CFAP57: variants seen among roughly 807,000 people sequenced by gnomAD.
The protein encoded by CFAP57 is cilia and flagella associated protein 57.
A neutral mutation model predicts 146.8 loss-of-function variants in CFAP57; 116 were observed. The ratio of observed to expected loss-of-function variants is 0.79; its 90% confidence interval spans 0.68 to 0.92. The LOEUF is 0.92. CFAP57 is among the 40% of genes least tolerant of loss of function. CFAP57 has a pLI of 0.00. For missense variants in CFAP57, 1,377 were observed against 1,527.2 expected, an observed-to-expected ratio of 0.90 and a Z score of 1.64; for synonymous variants, 518 against 552.8, an observed-to-expected ratio of 0.94 and a Z score of 0.88.
chr1:43,206,802 C>T lies in CFAP57; in HGVS notation c.1625C>T (p.Ser542Phe). 2 of 1,614,124 alleles carry T rather than the reference C, an allele frequency of 1.2e-6. No individual in the cohort carries two copies. Among genetic ancestry groups the T allele is most frequent in the Non-Finnish European group, 1.7e-6 (2 of 1,180,014 alleles). ...TDGAVYEWNL[S>F]TGKRETECVL... is the part of the protein sequence containing the mutation. ...GGTGCTGTGTATGAATGGAATCTGT[C>T]CACAGGAAAGAGAGAGACAGAATGC... The change falls in exon 10 of 23, where the codon TCC becomes TTC. Residue 542 changes from serine (S) to phenylalanine (F), a missense_variant. Ser to Phe is a radical substitution (Grantham distance 155). Coordinates refer to ENST00000372492, the MANE Select transcript of CFAP57 (RefSeq NM_001378189.1).
chr1:43,249,523 G>A (rs1318181406), intron 22 of CFAP57, among the ~76,000 whole-genome samples: 9 of 129,800 alleles, frequency 6.9e-5, no homozygotes, highest in South Asian at 2.7e-4. Flanking sequence ...TCTGCCTCCC[G>A]GGTTCAAGCA....
intron 22 of CFAP57, among the ~76,000 whole-genome samples, chr1:43,248,092 T>C (rs948134694): frequency 3.3e-4 from 47 of 140,990 alleles, no homozygotes; most frequent in African/African-American, 1.3e-3. Context: ...TGAGCCAAGA[T>C]TGCACTGCTG....
chr1:43,226,853 GGAGGA>G lies in CFAP57; in HGVS notation c.2866-123_2866-119del. 5 of 1,029,748 alleles carry G rather than the reference GGAGGA, an allele frequency of 4.9e-6. No individual in the cohort carries two copies. The South Asian group carries it at 1.1e-4, about 24-fold the overall frequency. 63.8% of individuals were successfully genotyped at this position (1,029,748 alleles called of 1,614,324 possible). The stretch of plus-strand genomic sequence containing the variant: ...AGTGCCAGCCTCTGTACTGACGAAG[GGAGGA>G]GAGGAGTCTCCTGGTTGACCTCTTC... On this transcript the variant is annotated intron_variant, in intron 17 of 22. Coordinates refer to ENST00000372492, the MANE Select transcript of CFAP57 (RefSeq NM_001378189.1).
intron 17 of CFAP57, 112 bp from the exon 18 acceptor site, chr1:43,226,871 G>A: frequency 8.0e-7 from 1 of 1,254,244 alleles, no homozygotes; most frequent in South Asian, 1.9e-5. Flanking sequence ...GGAGTCTCCT[G>A]GTTGACCTCT....
At chr1:43,209,029 C>T (rs1015171155) in intron 10 of CFAP57, among the ~76,000 whole-genome samples, 32 of 152,018 alleles carry the variant, frequency 2.1e-4, no homozygotes, top group South Asian at 2.1e-4. Flanking sequence ...TTCTTATAAC[C>T]GTTCTATTTT....
chr1:43,209,028 C>T (rs1429064176), intron 10 of CFAP57, among the ~76,000 whole-genome samples: 1 of 152,076 alleles, frequency 6.6e-6, no homozygotes, highest in Admixed American at 6.6e-5. Flanking sequence ...ATTCTTATAA[C>T]CGTTCTATTT....
At position 43,226,238 on chromosome 1, in the gene CFAP57, T is replaced by G. The variant is rs141018078; in HGVS notation, c.2866-745T>G. On this transcript the variant is annotated intron_variant, in intron 17 of 22. Transcript: ENST00000372492. ...GCTTACAGGTGCTACAGATCTGGAA[T>G]CTGGACAGGGTACAAAAGGATGGCT... Among the ~76,000 whole-genome samples the G allele has an allele frequency of 1.8e-4, 28 of 152,316 alleles. 1 individual carries two copies. The highest frequency in any genetic ancestry group is 5.8e-4 in the African/African-American group (24 of 41,560).
At chr1:43,208,359 A>G (rs1358819471) in intron 10 of CFAP57, among the ~76,000 whole-genome samples, 1 of 152,212 alleles carries the variant, frequency 6.6e-6, no homozygotes. Flanking sequence ...ACGTATGTTT[A>G]TTGTGGCACT....
chr1:43,172,831 T>C lies in CFAP57; in HGVS notation c.78T>C (p.Asp26=). 1 of 1,614,150 alleles carries C rather than the reference T, an allele frequency of 6.2e-7. No individual in the cohort carries two copies. ...TGGCCAACAATATCTTCTACTTCGATGAACAGATCATTATATTTCCTTCAG... is the reference window on the plus strand; with the variant it reads ...TGGCCAACAATATCTTCTACTTCGACGAACAGATCATTATATTTCCTTCAG... ...SHVANNIFYF[D]EQIIIFPSGN... Residue 26 remains aspartate, a synonymous_variant, in exon 2 of 23, where the codon GAT becomes GAC. Coordinates refer to ENST00000372492, the MANE Select transcript of CFAP57 (RefSeq NM_001378189.1).
intron 6 of CFAP57, among the ~76,000 whole-genome samples, chr1:43,192,082 A>G (rs1643570265): frequency 6.6e-6 from 1 of 152,126 alleles, no homozygotes; most frequent in Admixed American, 6.5e-5. Flanking sequence ...TAATTTAATT[A>G]CACTGTGCTT....
At chr1:43,196,531 C>A (rs1643876192) in intron 6 of CFAP57, 1 of 152,164 alleles carries the variant, frequency 6.6e-6, no homozygotes, top group South Asian at 2.1e-4. Flanking sequence ...AGAGTGGATG[C>A]AGATAAATTT....
chr1:43,199,783 G>T (rs1171514869), intron 9 of CFAP57, among the ~76,000 whole-genome samples: 1 of 152,064 alleles, frequency 6.6e-6, no homozygotes, highest in Admixed American at 6.6e-5. Context: ...AGAGTGAGTA[G>T]GAGTTAATCA....
In CFAP57 at chr1:43,172,864, CTG is replaced by C; in HGVS notation, c.116_117del (p.Val39GlufsTer37). ...QIIIFPSGNH[C>X]VKYNVDQKWQ... ...TCATTATATTTCCTTCAGGAAATCACTGTGTGAAGTACAATGTGGATCAGAAA... is the reference window on the plus strand; with the variant it reads ...TCATTATATTTCCTTCAGGAAATCACTGTGAAGTACAATGTGGATCAGAAA... On this transcript the variant is annotated frameshift_variant, in exon 2 of 23. Transcript: ENST00000372492. LOFTEE classifies it high-confidence loss of function. The C allele has an allele frequency of 6.2e-7, 1 of 1,614,062 alleles. No individual in the cohort carries two copies. The highest frequency in any genetic ancestry group is 8.5e-7 in the Non-Finnish European group (1 of 1,179,918).
At chr1:43,222,476 A>G (rs894393642) in intron 15 of CFAP57, among the ~76,000 whole-genome samples, 181 bp downstream of exon 15, 1 of 152,242 alleles carries the variant, frequency 6.6e-6, no homozygotes, top group Non-Finnish European at 1.5e-5. Context: ...GCAAATAAAT[A>G]TAACATTATG....
At chr1:43,197,182 G>C (rs984256747) in intron 6 of CFAP57, among the ~76,000 whole-genome samples, 2 of 151,852 alleles carry the variant, frequency 1.3e-5, no homozygotes, top group African/African-American at 4.8e-5. Flanking sequence ...GTGAAACCGC[G>C]TCTCTACTAA....
chr1:43,192,433 T>A (rs151254442), intron 6 of CFAP57, among the ~76,000 whole-genome samples: 79 of 151,568 alleles, frequency 5.2e-4, no homozygotes, highest in African/African-American at 1.9e-3. Flanking sequence ...ACCAGCCTGA[T>A]CAACATGGAG....
At chr1:43,185,005 C>A in intron 4 of CFAP57, 144 bp from the exon 5 acceptor site, 1 of 890,894 alleles carries the variant, frequency 1.1e-6, no homozygotes, top group Non-Finnish European at 1.8e-6. Flanking sequence ...GTTCCCAAGC[C>A]AAAGGGTAGT....
chr1:43,185,086 C>T, intron 4 of CFAP57, 63 bp from the exon 5 acceptor site: 1 of 1,564,300 alleles, frequency 6.4e-7, no homozygotes. Context: ...TTCTCCTCCC[C>T]AGCAGAATTC....
At position 43,222,939 on chromosome 1, in the gene CFAP57, G is replaced by A. The variant is rs1054310120; in HGVS notation, c.2648G>A (p.Arg883Gln). Residue 883 changes from arginine to glutamine, a missense_variant, in exon 16 of 23, where the codon CGG becomes CAG. Transcript: ENST00000372492. ...DIKTKYEKKL[R>Q]DEKESNLRLK... is the part of the protein sequence containing the mutation. ...AAAACCAAGTATGAGAAAAAGCTTCGGGATGAAAAGGAATCAAACCTGCGG... is the reference window on the plus strand; with the variant it reads ...AAAACCAAGTATGAGAAAAAGCTTCAGGATGAAAAGGAATCAAACCTGCGG... 14 of 1,550,314 alleles carry A rather than the reference G, an allele frequency of 9.0e-6. No individual in the cohort carries two copies. Among genetic ancestry groups the A allele is most frequent in the African/African-American group, 2.7e-5 (2 of 73,036 alleles).
Sources: allele counts gnomAD v4.1 joint callset (sites outside exome capture counted in the v4.1 genomes callset), GRCh38; gene constraint gnomAD v4.1.1; transcripts MANE v1.5; gene names NCBI Gene and HGNC (gene_info 2026-07-23, HGNC 2026-07-21).